BGLAP: variants seen among roughly 807,000 people sequenced by gnomAD.
BGLAP encodes the protein bone gamma-carboxyglutamate protein, also known as osteocalcin.
In BGLAP, 15 loss-of-function variants were observed where a neutral mutation model predicts 13.7. The observed-to-expected ratio is 1.09, with a 90% CI of 0.73 to 1.68. BGLAP has a LOEUF of 1.68. Among genes scored for constraint, BGLAP ranks in the 40% most tolerant of loss-of-function variants. BGLAP has a pLI of 0.00. For synonymous variants in BGLAP, 67 were observed against 56.2 expected, an observed-to-expected ratio of 1.19 and a Z score of -0.86; for missense variants, 120 against 134.3, an observed-to-expected ratio of 0.89 and a Z score of 0.53.
chr1:156,242,916 G>T, intron 3 of BGLAP, 85 bp downstream of exon 3: 1 of 1,575,884 alleles, frequency 6.3e-7, no homozygotes, highest in African/African-American at 1.3e-5. Context: ...GGCCTCTCTG[G>T]GTTGTGGTGG....
chr1:156,242,841 A>G lies in BGLAP; in HGVS notation c.173+10A>G. ...TGTATCAATGGCTGGGGTGAGAGAA[A>G]AGGCAGAGCTGGGCCAAGGCCCTGC... On this transcript the variant is annotated intron_variant, in intron 3 of 3. Coordinates refer to ENST00000368272, the MANE Select transcript of BGLAP (RefSeq NM_199173.6). 3.1e-6 allele frequency: 5 copies of G among 1,588,608 alleles called. No individual in the cohort carries two copies. Among genetic ancestry groups the G allele is most frequent in the South Asian group, 1.1e-5 (1 of 87,268 alleles).
chr1:156,242,951 G>T, intron 3 of BGLAP, 82 bp from the exon 4 acceptor site: 1 of 1,596,970 alleles, frequency 6.3e-7, no homozygotes. Context: ...TGCCCTGGTG[G>T]GCACCCTGGA....
chr1:156,243,046 T>C lies in BGLAP; in HGVS notation c.187T>C (p.Tyr63His). 1 of 1,614,114 alleles carries C rather than the reference T, an allele frequency of 6.2e-7. No homozygotes were observed. The highest frequency in any genetic ancestry group is 1.1e-5 in the South Asian group (1 of 91,082). The change falls in exon 4 of 4, where the codon TAC (tyrosine) becomes CAC (histidine). Residue 63 changes from tyrosine (Y) to histidine (H), a missense_variant. Coordinates refer to ENST00000368272, the MANE Select transcript of BGLAP (RefSeq NM_199173.6). ...LYQWLGAPVP[Y>H]PDPLEPRREV... ...CGGGTGTCTCAGAGCCCCAGTCCCC[T>C]ACCCGGATCCCCTGGAGCCCAGGAG... is the stretch of plus-strand genomic sequence containing the variant.
intron 1 of BGLAP, 29 bp from the exon 2 acceptor site, chr1:156,242,524 G>T (rs1185388254): frequency 1.9e-6 from 3 of 1,551,676 alleles, no homozygotes; most frequent in African/African-American, 2.7e-5. Flanking sequence ...GGATGAGCTG[G>T]GGTGAACCAG....
Position 156,243,231 on chromosome 1 carries a change from CCCCTTG to C in BGLAP, c.*80_*85del. The C allele has an allele frequency of 1.3e-6, 2 of 1,598,280 alleles. No individual in the cohort carries two copies. The highest frequency in any genetic ancestry group is 8.5e-7 in the Non-Finnish European group (1 of 1,175,246). ...TCTCCAGGCACCCTTCTTTCCTCTT[CCCCTTG>C]CCCTTGCCCTGACCTCCCAGCCCTA... On this transcript the variant is annotated 3_prime_UTR_variant, in exon 4 of 4. Transcript: ENST00000368272.
chr1:156,242,639 G>C (rs1659508816), intron 2 of BGLAP, 48 bp downstream of exon 2: 3 of 1,592,526 alleles, frequency 1.9e-6, no homozygotes, highest in South Asian at 2.3e-5. Context: ...CTCTCACCCT[G>C]GTCCCTCAGT....
chr1:156,242,972 T>G, intron 3 of BGLAP, 61 bp from the exon 4 acceptor site: 1 of 1,609,038 alleles, frequency 6.2e-7, no homozygotes, highest in South Asian at 1.1e-5. Flanking sequence ...GCCCCATGTG[T>G]AGGGAGAGGA....
chr1:156,242,527 T>G (rs1266822001), intron 1 of BGLAP, 26 bp from the exon 2 acceptor site: 4 of 1,551,348 alleles, frequency 2.6e-6, no homozygotes, highest in Non-Finnish European at 2.6e-6. Flanking sequence ...TGAGCTGGGG[T>G]GAACCAGGCT....
intron 1 of BGLAP, 93 bp from the exon 2 acceptor site, chr1:156,242,460 A>T: frequency 6.5e-7 from 1 of 1,549,132 alleles, no homozygotes; most frequent in Non-Finnish European, 8.7e-7. Context: ...GCAGAGGGAG[A>T]GGAGGGAAGA....
At chr1:156,242,715 T>A in intron 2 of BGLAP, 47 bp from the exon 3 acceptor site, 1 of 1,601,258 alleles carries the variant, frequency 6.2e-7, no homozygotes. Flanking sequence ...CCCCACCTGA[T>A]CCTCCCAAAC....
intron 3 of BGLAP, 42 bp downstream of exon 3, chr1:156,242,873 G>C (rs373312300): frequency 5.1e-6 from 8 of 1,571,944 alleles, no homozygotes; most frequent in East Asian, 2.3e-5. Context: ...CTGCCTCTCC[G>C]GGATGGTCTG....
rs1335259139 is a variant in BGLAP at position 156,242,197 on chromosome 1, C to T, written c.-35C>T. Reference sequence around the variant, plus strand: ...GGCTGGCGGGGCAGGCCAGCTGAGTCCTGAGCAGCAGCCCAGCGCAGCCAC... The same window carrying T: ...GGCTGGCGGGGCAGGCCAGCTGAGTTCTGAGCAGCAGCCCAGCGCAGCCAC... On this transcript the variant is annotated 5_prime_UTR_variant, in exon 1 of 4. Transcript: ENST00000368272. The T allele has an allele frequency of 1.8e-5, 29 of 1,604,492 alleles. No homozygotes were observed. Among genetic ancestry groups the T allele is most frequent in the Non-Finnish European group, 2.2e-5 (26 of 1,177,422 alleles).
chr1:156,242,763 C>T lies in BGLAP; in HGVS notation c.105C>T (p.Ala35=). The T allele has an allele frequency of 6.3e-7, 1 of 1,595,824 alleles. No individual in the cohort carries two copies. The highest frequency in any genetic ancestry group is 1.1e-5 in the South Asian group (1 of 88,402). The change falls in exon 3 of 4, where the codon GCC becomes GCT. Residue 35 remains alanine, a splice_region_variant and synonymous_variant. Transcript: ENST00000368272. ...GATGCCTGCCCCTCTGCTCCACAGC[C>T]TTTGTGTCCAAGCAGGAGGGCAGCG... The part of the protein sequence containing the change: ...PSGAESSKGA[A]FVSKQEGSEV...
chr1:156,242,409 C>T, intron 1 of BGLAP, 114 bp downstream of exon 1: 1 of 1,542,594 alleles, frequency 6.5e-7, no homozygotes, highest in South Asian at 1.2e-5. Context: ...AGTCTAACCA[C>T]CTTGTTGCAG....
Position 156,242,787 on chromosome 1 carries a change from C to A in BGLAP, c.129C>A (p.Ser43Arg). The A allele has an allele frequency of 6.2e-7, 1 of 1,600,454 alleles. No homozygotes were observed. Among genetic ancestry groups the A allele is most frequent in the Non-Finnish European group, 8.5e-7 (1 of 1,172,106 alleles). ...CCTTTGTGTCCAAGCAGGAGGGCAGCGAGGTAGTGAAGAGACCCAGGCGCT... is the reference window on the plus strand; with the variant it reads ...CCTTTGTGTCCAAGCAGGAGGGCAGAGAGGTAGTGAAGAGACCCAGGCGCT... ...GAAFVSKQEG[S>R]EVVKRPRRYL... Residue 43 changes from serine (S) to arginine (R), a missense_variant, in exon 3 of 4, where the codon AGC (serine) becomes AGA (arginine). Transcript: ENST00000368272.
chr1:156,242,538 C>T lies in BGLAP; in HGVS notation c.65-15C>T, dbSNP rs1366970078. ...GGGATGAGCTGGGGTGAACCAGGCT[C>T]CCTTTCCTTTGCAGGTGCGAAGCCC... On this transcript the variant is annotated splice_polypyrimidine_tract_variant and intron_variant, in intron 1 of 3. Coordinates refer to ENST00000368272, the MANE Select transcript of BGLAP (RefSeq NM_199173.6). 1 of 1,551,900 alleles carries T rather than the reference C, an allele frequency of 6.4e-7. No individual in the cohort carries two copies. Among genetic ancestry groups the T allele is most frequent in the Non-Finnish European group, 8.7e-7 (1 of 1,147,066 alleles).
At chr1:156,242,873 G>T in intron 3 of BGLAP, 42 bp downstream of exon 3, 1 of 1,571,940 alleles carries the variant, frequency 6.4e-7, no homozygotes. Context: ...CTGCCTCTCC[G>T]GGATGGTCTG....
At position 156,242,224 on chromosome 1, in the gene BGLAP, GAGACACCA is replaced by G. The variant is rs1447181763; in HGVS notation, c.-7_1del. On this transcript the variant is annotated start_lost and 5_prime_UTR_variant, in exon 1 of 4. Transcript: ENST00000368272. ...TGAGCAGCAGCCCAGCGCAGCCACC[GAGACACCA>G]TGAGAGCCCTCACACTCCTCGCCCT... 6.2e-7 allele frequency: 1 copy of G among 1,612,446 alleles called. No homozygotes were observed. Among genetic ancestry groups the G allele is most frequent in the African/African-American group, 1.3e-5 (1 of 74,894 alleles).
rs941161941 is a variant in BGLAP, at chr1:156,242,803, C to T, written c.145C>T (p.Pro49Ser). Residue 49 changes from proline to serine, a missense_variant, in exon 3 of 4, where the codon CCC becomes TCC. Pro to Ser is a moderately conservative substitution (Grantham distance 74, BLOSUM62 -1). Coordinates refer to ENST00000368272, the MANE Select transcript of BGLAP (RefSeq NM_199173.6). ...KQEGSEVVKR[P>S]RRYLYQWLGA... ...GGAGGGCAGCGAGGTAGTGAAGAGA[C>T]CCAGGCGCTACCTGTATCAATGGCT... is the stretch of plus-strand genomic sequence containing the variant. The T allele has an allele frequency of 3.7e-6, 6 of 1,601,412 alleles. No individual in the cohort carries two copies. Among genetic ancestry groups the T allele is most frequent in the Middle Eastern group, 1.7e-4 (1 of 6,020 alleles).
Sources: gnomAD v4.1 joint callset for allele counts on GRCh38, gnomAD v4.1.1 for gene constraint, MANE v1.5 for transcripts, NCBI Gene and HGNC (gene_info 2026-07-23, HGNC 2026-07-21) for gene names.